PLEKHA7: variants seen among roughly 807,000 people sequenced by gnomAD.
PLEKHA7 encodes pleckstrin homology domain-containing family A member 7.
A neutral mutation model predicts 170.0 loss-of-function variants in PLEKHA7; 104 were observed. The observed-to-expected ratio is 0.61, with a 90% CI of 0.52 to 0.72. The LOEUF is 0.72. Among genes scored for constraint, PLEKHA7 ranks in the 30% least tolerant of loss-of-function variants. The pLI is 0.00. For missense variants in PLEKHA7, 1,615 were observed against 1,671.7 expected, an observed-to-expected ratio of 0.97 and a Z score of 0.59; for synonymous variants, 648 against 660.8, an observed-to-expected ratio of 0.98 and a Z score of 0.30.
intron 3 of PLEKHA7, among the ~76,000 whole-genome samples, chr11:16,886,945 C>A (rs761331039): frequency 6.6e-6 from 1 of 151,926 alleles, no homozygotes; most frequent in South Asian, 2.1e-4. Flanking sequence ...ATATATCCTG[C>A]CAAAAGATGA....
intron 9 of PLEKHA7, 28 bp downstream of exon 9, chr11:16,841,519 G>A (rs1284005086): frequency 3.7e-6 from 6 of 1,601,722 alleles, no homozygotes; most frequent in Non-Finnish European, 5.1e-6. Flanking sequence ...AGGAGGTGCT[G>A]TGGCAGGGAC....
intron 3 of PLEKHA7, among the ~76,000 whole-genome samples, chr11:16,990,594 C>T (rs538293393): frequency 3.9e-5 from 6 of 152,300 alleles, no homozygotes; most frequent in African/African-American, 1.2e-4. Context: ...CAAATGGGCA[C>T]ACCATTATCA....
At chr11:16,892,592 C>T (rs1021238691) in intron 3 of PLEKHA7, among the ~76,000 whole-genome samples, 7 of 146,740 alleles carry the variant, frequency 4.8e-5, no homozygotes, top group African/African-American at 1.8e-4. Flanking sequence ...ACCACAGGTG[C>T]GTGCCACCAT....
intron 10 of PLEKHA7, among the ~76,000 whole-genome samples, chr11:16,819,939 T>C (rs1269898255): frequency 6.6e-6 from 1 of 152,210 alleles, no homozygotes; most frequent in African/African-American, 2.4e-5. Flanking sequence ...AAAGTAGATA[T>C]TAAATGTTCT....
chr11:16,891,180 A>G (rs1177274827), intron 3 of PLEKHA7, among the ~76,000 whole-genome samples: 1 of 152,118 alleles, frequency 6.6e-6, no homozygotes, highest in African/African-American at 2.4e-5. Flanking sequence ...CTCCCAAAGC[A>G]CTGGAATTAT....
chr11:16,800,947 A>G, intron 17 of PLEKHA7, 27 bp downstream of exon 17: 1 of 1,586,870 alleles, frequency 6.3e-7, no homozygotes, highest in Non-Finnish European at 8.7e-7. Flanking sequence ...ACAAGAGCTC[A>G]GAAGAGATGG....
At chr11:16,804,970 C>T (rs1181430852) in intron 13 of PLEKHA7, among the ~76,000 whole-genome samples, 1 of 152,136 alleles carries the variant, frequency 6.6e-6, no homozygotes, top group Non-Finnish European at 1.5e-5. Flanking sequence ...ACTTCTCAGG[C>T]AGAATGTGGG....
intron 16 of PLEKHA7, 123 bp downstream of exon 16, chr11:16,801,545 G>A (rs1437521403): frequency 5.7e-6 from 7 of 1,234,992 alleles, no homozygotes; most frequent in Non-Finnish European, 6.8e-6. Flanking sequence ...TGCTACTGGA[G>A]AAGCTCTGCT....
In PLEKHA7 at chr11:16,955,599, G is replaced by A. The variant is rs1200682124; in HGVS notation, c.221+58390C>T. Among the ~76,000 whole-genome samples the A allele has an allele frequency of 2.0e-5, 3 of 152,132 alleles. No homozygotes were observed. In the East Asian group the frequency reaches 5.8e-4, roughly 29 times the overall value. Reference sequence around the variant, plus strand: ...GAGATGATGTATATAGTTAAGCTCAGAATCGATGAAGCTTAAAGAAAATAA... The same window carrying A: ...GAGATGATGTATATAGTTAAGCTCAAAATCGATGAAGCTTAAAGAAAATAA... On this transcript the variant is annotated intron_variant, in intron 3 of 26. Coordinates refer to ENST00000531066, the MANE Select transcript of PLEKHA7 (RefSeq NM_001329630.2).
intron 3 of PLEKHA7, among the ~76,000 whole-genome samples, chr11:16,919,654 A>C (rs541669111): frequency 6.6e-6 from 1 of 152,204 alleles, no homozygotes; most frequent in East Asian, 1.9e-4. Context: ...ACAGAGCAAG[A>C]CCTCATCTCT....
In PLEKHA7 at chr11:16,789,486, G is replaced by C. The variant is rs1320805291; in HGVS notation, c.3157-190C>G. ...TGCCCCCAACCCTCAGGAGCTTTCT[G>C]AGTAGCACCCATTCTGCAGATGCAG... On this transcript the variant is annotated intron_variant, in intron 22 of 26. Transcript: ENST00000531066. This position sits in a 1 kb window ranked among gnomAD's most constrained non-coding sequence, Gnocchi z 4.6. 7 of 637,946 alleles carry C rather than the reference G, an allele frequency of 1.1e-5. No homozygotes were observed. Among genetic ancestry groups the C allele is most frequent in the African/African-American group, 5.5e-5 (3 of 54,698 alleles). The allele number at this position is 637,946 out of a possible 1,614,324, so 39.5% of individuals were successfully genotyped here.
intron 3 of PLEKHA7, among the ~76,000 whole-genome samples, chr11:16,894,584 A>G (rs1466825874): frequency 6.6e-6 from 1 of 151,914 alleles, no homozygotes; most frequent in Non-Finnish European, 1.5e-5. Context: ...CTAGGTTCCA[A>G]TCATAGCTCC....
At chr11:16,947,569 C>T (rs887379025) in intron 3 of PLEKHA7, among the ~76,000 whole-genome samples, 7 of 142,454 alleles carry the variant, frequency 4.9e-5, no homozygotes, top group African/African-American at 1.1e-4. Flanking sequence ...CCAGCCTGAG[C>T]GAGAGAGCGA....
At chr11:16,823,583 C>T (rs1845342770) in intron 10 of PLEKHA7, among the ~76,000 whole-genome samples, 1 of 152,160 alleles carries the variant, frequency 6.6e-6, no homozygotes, top group Admixed American at 6.5e-5. Flanking sequence ...ACTTTCCTCG[C>T]CAAGCTCATG....
At chr11:16,856,798 A>G (rs1034927654) in intron 4 of PLEKHA7, among the ~76,000 whole-genome samples, 10 of 152,208 alleles carry the variant, frequency 6.6e-5, no homozygotes, top group African/African-American at 2.2e-4. Flanking sequence ...GCCTGATGCC[A>G]AGACCCTGCA....
At chr11:16,954,586 A>C (rs2136534330) in intron 3 of PLEKHA7, among the ~76,000 whole-genome samples, 1 of 152,158 alleles carries the variant, frequency 6.6e-6, no homozygotes, top group East Asian at 1.9e-4. Flanking sequence ...GCTGTTAGTT[A>C]TTTGAAAGGT....
chr11:16,900,850 ATTT>A (rs1203436793), intron 3 of PLEKHA7, among the ~76,000 whole-genome samples: 1 of 143,986 alleles, frequency 6.9e-6, no homozygotes. Flanking sequence ...ATGATTTTTT[ATTT>A]TTTTTTTTTT....
chr11:16,985,238 G>A (rs775293627), intron 3 of PLEKHA7, among the ~76,000 whole-genome samples: 12 of 152,198 alleles, frequency 7.9e-5, no homozygotes, highest in Non-Finnish European at 1.6e-4. Context: ...CCCACTCCTA[G>A]GCACCTAGTT....
intron 4 of PLEKHA7, among the ~76,000 whole-genome samples, chr11:16,870,790 C>A (rs752603695): frequency 4.6e-5 from 7 of 152,048 alleles, no homozygotes; most frequent in Non-Finnish European, 1.0e-4. Flanking sequence ...CCTCTTCAAA[C>A]AGGGCTAATG....
Sources: gnomAD v4.1 joint callset for allele counts (sites outside exome capture counted in the v4.1 genomes callset) on GRCh38, gnomAD v4.1.1 for gene constraint, Gnocchi (gnomAD v3.1) non-coding constraint, MANE v1.5 for transcripts, NCBI Gene and HGNC (gene_info 2026-07-23, HGNC 2026-07-21) for gene names.